The following REEP1 variants were observed in gnomAD, a reference collection of about 807,000 sequenced individuals.
The protein encoded by REEP1 is receptor expression-enhancing protein 1.
A neutral mutation model predicts 40.3 loss-of-function variants in REEP1; 22 were observed. The ratio of observed to expected loss-of-function variants is 0.55; its 90% CI spans 0.39 to 0.78. REEP1 has a LOEUF of 0.78. Among genes scored for constraint, REEP1 ranks in the 30% least tolerant of loss-of-function variants. REEP1 has a pLI of 0.00. For synonymous variants in REEP1, 116 were observed against 139.2 expected (o/e 0.83, Z 1.17); for missense variants, 280 against 361.1 (o/e 0.78, Z 1.82).
chr2:86,257,495 T>A (rs920411657), intron 3 of REEP1, among the ~76,000 whole-genome samples: 1 of 152,166 alleles, frequency 6.6e-6, no homozygotes, highest in Non-Finnish European at 1.5e-5. Context: ...CAGGTATATA[T>A]GACTCCCTGA....
At chr2:86,252,205 C>G in intron 4 of REEP1, 135 bp from the exon 5 acceptor site, 2 of 727,950 alleles carry the variant, frequency 2.7e-6, no homozygotes, top group Admixed American at 3.9e-5. Flanking sequence ...GCTGTAGGCA[C>G]TTTGAAGGTG....
At chr2:86,285,243 C>T (rs1480621461) in intron 1 of REEP1, among the ~76,000 whole-genome samples, 1 of 152,146 alleles carries the variant, frequency 6.6e-6, no homozygotes, top group African/African-American at 2.4e-5. Flanking sequence ...CAGGATCTTT[C>T]CCAATCCCAC....
At chr2:86,279,368 C>T (rs927548978) in intron 2 of REEP1, among the ~76,000 whole-genome samples, 3 of 152,166 alleles carry the variant, frequency 2.0e-5, no homozygotes, top group Non-Finnish European at 4.4e-5. Context: ...CATTAAATGA[C>T]CCAGGGGAGT....
intron 1 of REEP1, among the ~76,000 whole-genome samples, chr2:86,319,595 T>G (rs1680191182): frequency 6.6e-6 from 1 of 152,012 alleles, no homozygotes; most frequent in Admixed American, 6.6e-5. Flanking sequence ...CTTGGGAGGC[T>G]GAGGCATGAG....
chr2:86,289,216 T>C (rs1049321122), intron 1 of REEP1, among the ~76,000 whole-genome samples: 3 of 152,228 alleles, frequency 2.0e-5, no homozygotes, highest in African/African-American at 7.2e-5. Flanking sequence ...TCATTTGGAA[T>C]TGATCTTTAT....
intron 5 of REEP1, among the ~76,000 whole-genome samples, chr2:86,249,792 ATT>A (rs35592472): frequency 1.3e-5 from 2 of 149,932 alleles, no homozygotes; most frequent in Non-Finnish European, 3.0e-5. Context: ...TTCTTCTTTT[ATT>A]TTTTTTTTAA....
intron 2 of REEP1, among the ~76,000 whole-genome samples, chr2:86,275,326 C>T (rs1677698972): frequency 6.6e-6 from 1 of 152,054 alleles, no homozygotes. Context: ...GCACTGTCAC[C>T]GGGTATATGA....
chr2:86,275,234 G>A (rs1026481250), intron 2 of REEP1, among the ~76,000 whole-genome samples: 9 of 150,416 alleles, frequency 6.0e-5, no homozygotes, highest in African/African-American at 1.0e-4. Context: ...CTAGGAGAGC[G>A]GGAAAGTGAA....
intron 1 of REEP1, among the ~76,000 whole-genome samples, chr2:86,308,259 C>T (rs1443227823): frequency 6.6e-6 from 1 of 152,084 alleles, no homozygotes; most frequent in African/African-American, 2.4e-5. Context: ...GACAGCATTA[C>T]AGAAAAAAGG....
chr2:86,302,363 G>A (rs538854186), intron 1 of REEP1, among the ~76,000 whole-genome samples: 9 of 152,170 alleles, frequency 5.9e-5, no homozygotes, highest in Admixed American at 2.0e-4. Context: ...TTGGTGCTTC[G>A]GTTTTTTGCT....
chr2:86,292,154 T>C (rs1257484923), intron 1 of REEP1, among the ~76,000 whole-genome samples: 1 of 152,184 alleles, frequency 6.6e-6, no homozygotes. Flanking sequence ...GCAAGCATGC[T>C]TCTTAACTAC....
At chr2:86,312,973 C>T (rs1465133741) in intron 1 of REEP1, among the ~76,000 whole-genome samples, 2 of 152,076 alleles carry the variant, frequency 1.3e-5, no homozygotes, top group Admixed American at 6.5e-5. Context: ...CCCCAGAGAG[C>T]ATTTAGCTAC....
intron 1 of REEP1, chr2:86,336,970 T>C (rs927136433): frequency 6.6e-6 from 1 of 152,456 alleles, no homozygotes; most frequent in African/African-American, 2.4e-5. Context: ...CCAACCCCAC[T>C]GGGAGCCCCG....
intron 1 of REEP1, among the ~76,000 whole-genome samples, chr2:86,286,119 CCCTTCACT>C (rs1253967903): frequency 6.6e-6 from 1 of 152,144 alleles, no homozygotes; most frequent in African/African-American, 2.4e-5. Flanking sequence ...CTTATCTTTG[CCCTTCACT>C]CCTCCTCTTG....
intron 1 of REEP1, among the ~76,000 whole-genome samples, chr2:86,312,382 C>T (rs919529990): frequency 1.3e-5 from 2 of 152,184 alleles, no homozygotes; most frequent in African/African-American, 2.4e-5. Context: ...TGCGTTTCAA[C>T]GATTCTTCCT....
upstream of REEP1, chr2:86,337,688 G>A: frequency 1.0e-6 from 1 of 991,432 alleles, no homozygotes; most frequent in Non-Finnish European, 1.2e-6. The surrounding 1 kb of genome is among the most constrained non-coding windows in gnomAD (Gnocchi z 5.8). Context: ...CGTTCTGGCG[G>A]CGGCGGCGGC....
intron 4 of REEP1, among the ~76,000 whole-genome samples, chr2:86,252,841 G>A (rs1455305242): frequency 6.6e-6 from 1 of 152,162 alleles, no homozygotes; most frequent in Non-Finnish European, 1.5e-5. Flanking sequence ...ATGCAACAAG[G>A]TAAAGGTGAG....
intron 2 of REEP1, among the ~76,000 whole-genome samples, chr2:86,268,043 A>G (rs561405454): frequency 2.6e-5 from 4 of 152,272 alleles, no homozygotes; most frequent in African/African-American, 7.2e-5. Context: ...TACAGCTAAC[A>G]TTAGACTTAC....
chr2:86,317,613 A>C (rs916899969), intron 1 of REEP1, among the ~76,000 whole-genome samples: 1 of 152,246 alleles, frequency 6.6e-6, no homozygotes, highest in Non-Finnish European at 1.5e-5. Flanking sequence ...TGGCAGTAGC[A>C]CCAAACTCCA....
Sources: allele counts gnomAD v4.1 joint callset (sites outside exome capture counted in the v4.1 genomes callset), GRCh38; gene constraint gnomAD v4.1.1; non-coding constraint Gnocchi (gnomAD v3.1); transcripts MANE v1.5; gene names NCBI Gene and HGNC (gene_info 2026-07-23, HGNC 2026-07-21).